PCBP3: variants seen among roughly 807,000 people sequenced by gnomAD.
PCBP3 encodes the protein poly(rC)-binding protein 3.
In PCBP3, 25 loss-of-function variants were observed where a neutral mutation model predicts 52.7. The observed-to-expected ratio is 0.47, with a 90% CI of 0.35 to 0.66. The LOEUF is 0.66. Ranked by LOEUF, PCBP3 falls within the 30% of genes least tolerant of loss-of-function variation. PCBP3 has a pLI of 0.01. For synonymous variants in PCBP3, 162 were observed against 183.0 expected (o/e 0.89, Z 0.93); for missense variants, 391 against 490.3 (o/e 0.80, Z 1.91).
intron 4 of PCBP3, among the ~76,000 whole-genome samples, chr21:45,767,406 C>G (rs982602488): frequency 6.6e-6 from 1 of 152,220 alleles, no homozygotes; most frequent in South Asian, 2.1e-4. Context: ...GAATCATGTT[C>G]TGTTGTATGA....
At chr21:45,901,547 C>T in intron 9 of PCBP3, 1 of 219,694 alleles carries the variant, frequency 4.6e-6, no homozygotes, top group Non-Finnish European at 9.3e-6. Context: ...CCACACAGCA[C>T]CATGCCTCTG....
intron 2 of PCBP3, among the ~76,000 whole-genome samples, chr21:45,681,525 G>A (rs2081849088): frequency 6.6e-6 from 1 of 152,096 alleles, no homozygotes; most frequent in Admixed American, 6.5e-5. Context: ...CTGGTCTTTG[G>A]TCAAGGAATC....
chr21:45,919,534 A>G (rs944679133), intron 13 of PCBP3: 1 of 152,266 alleles, frequency 6.6e-6, no homozygotes, highest in African/African-American at 2.4e-5. Context: ...ATAGATAACA[A>G]TAGTTATTCC....
chr21:45,691,054 AG>A (rs954841633), intron 2 of PCBP3, among the ~76,000 whole-genome samples: 2 of 152,272 alleles, frequency 1.3e-5, no homozygotes, highest in African/African-American at 4.8e-5. Context: ...TCTTATGCAA[AG>A]ACATGTACAA....
chr21:45,774,787 ACT>A (rs1263860913), intron 4 of PCBP3, among the ~76,000 whole-genome samples: 1 of 152,096 alleles, frequency 6.6e-6, no homozygotes, highest in East Asian at 1.9e-4. Flanking sequence ...GGTTTTTATC[ACT>A]CACTCTGTTA....
chr21:45,689,398 A>C (rs977190522), intron 2 of PCBP3, among the ~76,000 whole-genome samples: 3 of 133,458 alleles, frequency 2.2e-5, no homozygotes, highest in African/African-American at 7.8e-5. Context: ...CATTGATGAT[A>C]AAAAAAATTT....
At chr21:45,903,071 G>A (rs2096107567) in intron 9 of PCBP3, among the ~76,000 whole-genome samples, 1 of 152,166 alleles carries the variant, frequency 6.6e-6, no homozygotes, top group Non-Finnish European at 1.5e-5. Flanking sequence ...ACACAGAGAA[G>A]TCTCAGGATA....
intron 13 of PCBP3, among the ~76,000 whole-genome samples, chr21:45,923,350 C>T (rs1286908662): frequency 1.3e-5 from 2 of 152,198 alleles, no homozygotes; most frequent in African/African-American, 4.8e-5. Flanking sequence ...AGTGGTGCAG[C>T]GGCTTGCCCA....
chr21:45,886,104 A>G (rs1268824740), intron 5 of PCBP3, among the ~76,000 whole-genome samples: 1 of 94,964 alleles, frequency 1.1e-5, no homozygotes, highest in Non-Finnish European at 2.6e-5. Context: ...TGAGGTGTGG[A>G]GGAGGCCTCA....
chr21:45,925,778 A>G (rs1440070329), intron 13 of PCBP3, among the ~76,000 whole-genome samples: 1 of 152,258 alleles, frequency 6.6e-6, no homozygotes, highest in Non-Finnish European at 1.5e-5. Context: ...GATATAATTC[A>G]AAATTTATAC....
chr21:45,646,107 C>CTCTCTGTGTGTGTGTGTGTGTGTG (rs1555895746), intron 1 of PCBP3, among the ~76,000 whole-genome samples: 2 of 83,824 alleles, frequency 2.4e-5, no homozygotes, highest in South Asian at 5.5e-4. Context: ...CTCTCTCTCT[C>CTCTCTGTGTGTGTGTGTGTGTGTG]TGTGTGTGTG....
chr21:45,810,932 A>T (rs753364969), intron 4 of PCBP3, among the ~76,000 whole-genome samples: 2 of 152,194 alleles, frequency 1.3e-5, no homozygotes, highest in Admixed American at 1.3e-4. Context: ...ACTGATACAT[A>T]TGTTGGTGTG....
intron 11 of PCBP3, 93 bp downstream of exon 11, chr21:45,911,123 G>A (rs748772072): frequency 1.4e-6 from 2 of 1,434,012 alleles, no homozygotes; most frequent in Admixed American, 3.4e-5. Flanking sequence ...GTCGCCCCAA[G>A]GACTCACACA....
chr21:45,905,881 G>A (rs1298120922), intron 9 of PCBP3, among the ~76,000 whole-genome samples: 1 of 152,196 alleles, frequency 6.6e-6, no homozygotes, highest in South Asian at 2.1e-4. Context: ...GGCCCTGCCT[G>A]ATCACCTCCA....
chr21:45,667,041 C>A (rs2080842973), intron 1 of PCBP3, among the ~76,000 whole-genome samples: 1 of 135,884 alleles, frequency 7.4e-6, no homozygotes, highest in Non-Finnish European at 1.6e-5. Flanking sequence ...CCTTTATTTT[C>A]TCTCCTTCTG....
chr21:45,811,750 A>AT (rs948056405), intron 4 of PCBP3, among the ~76,000 whole-genome samples: 4 of 152,154 alleles, frequency 2.6e-5, no homozygotes, highest in African/African-American at 9.7e-5. Flanking sequence ...GTGCCTTTGT[A>AT]TTTAAAGTGT....
At chr21:45,925,188 C>T (rs925863930) in intron 13 of PCBP3, among the ~76,000 whole-genome samples, 2 of 150,596 alleles carry the variant, frequency 1.3e-5, no homozygotes, top group Non-Finnish European at 1.5e-5. Flanking sequence ...AAACAGCACA[C>T]GTAAGGTCGG....
chr21:45,704,707 G>T lies in PCBP3; in HGVS notation c.-199-30685G>T, dbSNP rs570725016. 3.3e-5 allele frequency among the ~76,000 whole-genome samples: 5 copies of T among 152,212 alleles called. No homozygotes were observed. The highest frequency in any genetic ancestry group is 7.2e-5 in the African/African-American group (3 of 41,448). On this transcript the variant is annotated intron_variant, in intron 2 of 17. Transcript: ENST00000681687. The surrounding 1 kb of genome is among the most constrained non-coding windows in gnomAD (Gnocchi z 4.1). ...AACAGCAAGAGATGCCTTGTCCATAGCTTCCTGACCTCTGGAAGAACAGAA... is the reference window on the plus strand; with the variant it reads ...AACAGCAAGAGATGCCTTGTCCATATCTTCCTGACCTCTGGAAGAACAGAA...
chr21:45,930,965 C>T (rs2076101605), intron 15 of PCBP3, 120 bp downstream of exon 15: 4 of 1,399,010 alleles, frequency 2.9e-6, no homozygotes, highest in Non-Finnish European at 3.9e-6. Flanking sequence ...AGGCTGTGGG[C>T]CAGCCTCAGG....
Sources: gnomAD v4.1 joint callset for allele counts (sites outside exome capture counted in the v4.1 genomes callset) on GRCh38, gnomAD v4.1.1 for gene constraint, Gnocchi (gnomAD v3.1) non-coding constraint, MANE v1.5 for transcripts, NCBI Gene and HGNC (gene_info 2026-07-23, HGNC 2026-07-21) for gene names.